Variants in DLGAP2 observed in about 807,000 individuals in gnomAD.
DLGAP2 encodes the protein disks large-associated protein 2.
In DLGAP2, 26 loss-of-function variants were observed where a neutral mutation model predicts 100.3. The ratio of observed to expected loss-of-function variants is 0.26; its 90% CI spans 0.19 to 0.36. DLGAP2 has a LOEUF of 0.36. Among genes scored for constraint, DLGAP2 ranks in the 10% least tolerant of loss-of-function variants. DLGAP2 has a pLI of 1.00. For missense variants in DLGAP2, 1,858 were observed against 1,453.2 expected (o/e 1.28, Z -4.53); for synonymous variants, 886 against 630.1 (o/e 1.41, Z -6.08).
Position 913,472 on chromosome 8 carries a change from A to G in DLGAP2, c.73+5506A>G, listed in dbSNP as rs115643068. ...CAGTGAGAGTTTGGCGTGAGCGTAT[A>G]TGTTGAAATGAGTCTTGACTCCATT... is the stretch of plus-strand genomic sequence containing the variant. On this transcript the variant is annotated intron_variant, in intron 2 of 14. Coordinates refer to ENST00000637795, the MANE Select transcript of DLGAP2 (RefSeq NM_001346810.2). Among the ~76,000 whole-genome samples, 1,033 of 152,318 alleles carry G rather than the reference A, an allele frequency of 6.8e-3. 14 individuals carry two copies. Among genetic ancestry groups the G allele is most frequent in the African/African-American group, 0.023 (969 of 41,562 alleles).
chr8:1,564,933 T>C (rs562932884), intron 5 of DLGAP2, among the ~76,000 whole-genome samples: 1 of 152,274 alleles, frequency 6.6e-6, no homozygotes, highest in South Asian at 2.1e-4. Context: ...GGTGCTGAGT[T>C]CCATACCACA....
At chr8:1,234,702 G>T (rs1171983830) in intron 2 of DLGAP2, among the ~76,000 whole-genome samples, 1 of 152,158 alleles carries the variant, frequency 6.6e-6, no homozygotes, top group East Asian at 1.9e-4. Flanking sequence ...CTTGACTTTG[G>T]ACTGACAGTG....
chr8:1,331,647 C>T (rs1480371953), intron 3 of DLGAP2, among the ~76,000 whole-genome samples: 1 of 152,196 alleles, frequency 6.6e-6, no homozygotes, highest in Non-Finnish European at 1.5e-5. Flanking sequence ...TTGGTGTCAA[C>T]ATCTTGGGTA....
intron 1 of DLGAP2, among the ~76,000 whole-genome samples, chr8:845,098 A>G (rs1225307287): frequency 2.0e-5 from 3 of 152,184 alleles, no homozygotes; most frequent in African/African-American, 7.2e-5. Flanking sequence ...GTGTACACTG[A>G]TTGTTGTGAA....
chr8:1,147,205 A>G (rs1367035807), intron 2 of DLGAP2, among the ~76,000 whole-genome samples: 1 of 152,188 alleles, frequency 6.6e-6, no homozygotes, highest in East Asian at 1.9e-4. Flanking sequence ...TCTTCCTTAG[A>G]TTTATCATAG....
chr8:963,254 A>G (rs1799769623), intron 2 of DLGAP2, among the ~76,000 whole-genome samples: 1 of 152,134 alleles, frequency 6.6e-6, no homozygotes, highest in Non-Finnish European at 1.5e-5. Context: ...CCATTTGGAA[A>G]CAGTGTTTGA....
At chr8:1,148,168 T>A (rs1796638547) in intron 2 of DLGAP2, among the ~76,000 whole-genome samples, 1 of 152,190 alleles carries the variant, frequency 6.6e-6, no homozygotes, top group Admixed American at 6.5e-5. Context: ...ATTTTTTTAT[T>A]TCTTCTTGTG....
rs371656910 is a variant in DLGAP2 at position 826,015 on chromosome 8, T to C, written c.19-81897T>C. On this transcript the variant is annotated intron_variant, in intron 1 of 14. Coordinates refer to ENST00000637795, the MANE Select transcript of DLGAP2 (RefSeq NM_001346810.2). The stretch of plus-strand genomic sequence containing the variant: ...ACTACCCTGGGAACCGTACTTCTTC[T>C]CTATTTGCATGAGTTCAGGGTTGTA... 1.2e-3 allele frequency among the ~76,000 whole-genome samples: 187 copies of C among 151,588 alleles called. 1 individual carries two copies. The highest frequency in any genetic ancestry group is 4.3e-3 in the African/African-American group (176 of 41,228).
chr8:915,496 G>A (rs559222825), intron 2 of DLGAP2, among the ~76,000 whole-genome samples: 6 of 151,876 alleles, frequency 4.0e-5, no homozygotes, highest in Middle Eastern at 6.8e-3. Context: ...GCAGTGAGCC[G>A]AGATCGCACC....
At chr8:1,283,203 GGT>G (rs1299412322) in intron 3 of DLGAP2, among the ~76,000 whole-genome samples, 239 of 144,638 alleles carry the variant, frequency 1.7e-3, no homozygotes, top group African/African-American at 5.9e-3. Flanking sequence ...ATCCAGACGT[GGT>G]GTGACCTGAA....
At chr8:999,733 C>A (rs957136688) in intron 2 of DLGAP2, among the ~76,000 whole-genome samples, 2 of 152,162 alleles carry the variant, frequency 1.3e-5, no homozygotes, top group East Asian at 1.9e-4. Context: ...CCTGCCTGGG[C>A]CTTCCGAAGT....
intron 2 of DLGAP2, among the ~76,000 whole-genome samples, chr8:1,157,107 G>T (rs1218622973): frequency 6.6e-6 from 1 of 152,146 alleles, no homozygotes; most frequent in Non-Finnish European, 1.5e-5. Context: ...ACAGACTTTG[G>T]TTTATCCTTT....
intron 1 of DLGAP2, among the ~76,000 whole-genome samples, chr8:760,729 T>C (rs1821058476): frequency 1.3e-5 from 2 of 152,170 alleles, no homozygotes; most frequent in Admixed American, 1.3e-4. Context: ...GGCATGTCCC[T>C]CAGTGCAGGG....
At chr8:1,127,659 G>A (rs1427603501) in intron 2 of DLGAP2, among the ~76,000 whole-genome samples, 1 of 152,218 alleles carries the variant, frequency 6.6e-6, no homozygotes, top group Admixed American at 6.5e-5. Context: ...CCCTGTCCCT[G>A]TGCAGAACCC....
intron 3 of DLGAP2, among the ~76,000 whole-genome samples, chr8:1,347,306 G>A (rs1249147724): frequency 1.3e-5 from 2 of 151,996 alleles, no homozygotes; most frequent in East Asian, 3.9e-4. Context: ...TGGAGGTTGA[G>A]TTCCCCCACA....
At chr8:1,507,385 GCTGCTGGC>G (rs1359942021) in intron 4 of DLGAP2, among the ~76,000 whole-genome samples, 2 of 152,300 alleles carry the variant, frequency 1.3e-5, no homozygotes, top group Non-Finnish European at 2.9e-5. Context: ...ATCCTCCGCA[GCTGCTGGC>G]CCAGGTGCTG....
In DLGAP2 at chr8:1,256,646, A is replaced by G. The variant is rs76631657; in HGVS notation, c.74-2205A>G. On this transcript the variant is annotated intron_variant, in intron 2 of 14. Transcript: ENST00000637795. ...CACAGTCATGTCCGCGCCTCCTGCA[A>G]TCAGATGCCCGCGTGGGGAGTCTCA... 5.5e-3 allele frequency among the ~76,000 whole-genome samples: 823 copies of G among 149,308 alleles called. 7 individuals are homozygous for G. The highest frequency in any genetic ancestry group is 0.02 in the African/African-American group (784 of 39,118).
chr8:989,467 C>A (rs1375219611), intron 2 of DLGAP2, among the ~76,000 whole-genome samples: 1 of 152,188 alleles, frequency 6.6e-6, no homozygotes, highest in Non-Finnish European at 1.5e-5. Context: ...CTTCCTCTGT[C>A]CTCTACATCT....
intron 7 of DLGAP2, among the ~76,000 whole-genome samples, chr8:1,632,191 T>G (rs933519514): frequency 2.0e-5 from 3 of 152,086 alleles, no homozygotes; most frequent in Non-Finnish European, 4.4e-5. Flanking sequence ...GCCTGGAATT[T>G]AGGTAAAGTA....
Sources: allele counts gnomAD v4.1 joint callset (sites outside exome capture counted in the v4.1 genomes callset), GRCh38; gene constraint gnomAD v4.1.1; transcripts MANE v1.5; gene names NCBI Gene and HGNC (gene_info 2026-07-23, HGNC 2026-07-21).